The following APOOL variants were observed in gnomAD, a reference collection of about 807,000 sequenced individuals.
APOOL encodes apolipoprotein O like, also known as MICOS complex subunit MIC27.
In APOOL, 12 loss-of-function variants were observed where a neutral mutation model predicts 23.1. The ratio of observed to expected loss-of-function variants is 0.52; its 90% CI spans 0.33 to 0.84. APOOL has a LOEUF of 0.84. Among genes scored for constraint, APOOL ranks in the 40% least tolerant of loss-of-function variants. APOOL has a pLI of 0.02. For missense variants in APOOL, 212 were observed against 199.6 expected, an observed-to-expected ratio of 1.06 and a Z score of -0.37; for synonymous variants, 77 against 69.9, an observed-to-expected ratio of 1.10 and a Z score of -0.51.
chrX:85,016,850 G>T (rs1170977656), intron 1 of APOOL, among the ~76,000 whole-genome samples: 2 of 112,435 alleles, frequency 1.8e-5, no homozygotes, highest in Non-Finnish European at 3.8e-5. Flanking sequence ...ATCCCATGGG[G>T]CAATCACCTG....
At chrX:85,082,965 C>T (rs972234058) in intron 8 of APOOL, among the ~76,000 whole-genome samples, 3 of 111,404 alleles carry the variant, frequency 2.7e-5, no homozygotes, top group Non-Finnish European at 5.6e-5. Context: ...AGAAACTAGT[C>T]AGTCTGTCAG....
chrX:85,059,259 T>C (rs1296822620), intron 5 of APOOL, among the ~76,000 whole-genome samples: 1 of 109,530 alleles, frequency 9.1e-6, no homozygotes, highest in Non-Finnish European at 1.9e-5. Context: ...TGCCACATTT[T>C]CTTAATCCAG....
At chrX:85,077,660 C>A (rs1489546002) in intron 8 of APOOL, among the ~76,000 whole-genome samples, 2 of 111,609 alleles carry the variant, frequency 1.8e-5, no homozygotes, top group Non-Finnish European at 3.8e-5. Flanking sequence ...ATTTCTAGCT[C>A]TAGATCCTTG....
chrX:85,083,214 A>G (rs1423539781), intron 8 of APOOL, among the ~76,000 whole-genome samples: 1 of 111,735 alleles, frequency 8.9e-6, no homozygotes, highest in East Asian at 2.8e-4. Context: ...CTAGTTATGC[A>G]AAAAGGCAGG....
intron 1 of APOOL, among the ~76,000 whole-genome samples, chrX:85,033,028 C>T (rs765363073): frequency 1.8e-5 from 2 of 111,834 alleles, no homozygotes; most frequent in African/African-American, 3.3e-5. Context: ...GTATTGAGCC[C>T]GGAAATAGTC....
At chrX:85,039,180 C>A (rs73232524) in intron 1 of APOOL, among the ~76,000 whole-genome samples, 144 of 108,769 alleles carry the variant, frequency 1.3e-3, no homozygotes, top group Middle Eastern at 9.6e-3. Context: ...AATTCAGGAG[C>A]ATATTGTTTA....
At chrX:85,042,664 A>C in intron 1 of APOOL, among the ~76,000 whole-genome samples, 1 of 112,167 alleles carries the variant, frequency 8.9e-6, no homozygotes, top group Middle Eastern at 4.6e-3. Context: ...TCCCTGATGA[A>C]TATTGATGCA....
rs747881053 is a variant in APOOL at position 85,010,542 on chromosome X, T to A, written c.15+6615T>A. On this transcript the variant is annotated intron_variant, in intron 1 of 8. Coordinates refer to ENST00000373173, the MANE Select transcript of APOOL (RefSeq NM_198450.6). ...AAGTCCCCAAAGTGCATTATCTTAA[T>A]TTTATGCCTTTGCATCCTGATAGCT... Among the ~76,000 whole-genome samples, 11 of 111,497 alleles carry A rather than the reference T, an allele frequency of 9.9e-5. No homozygotes were observed. The South Asian group carries it at 4.2e-3, about 42-fold the overall frequency.
At position 85,058,094 on chromosome X, in the gene APOOL, G is replaced by T. The variant is rs190079689; in HGVS notation, c.394+2169G>T. Among the ~76,000 whole-genome samples, 101 of 110,201 alleles carry T rather than the reference G, an allele frequency of 9.2e-4. 1 individual carries two copies. The East Asian group carries it at 0.024, about 27-fold the overall frequency. On this transcript the variant is annotated intron_variant, in intron 5 of 8. Coordinates refer to ENST00000373173, the MANE Select transcript of APOOL (RefSeq NM_198450.6). Reference sequence around the variant, plus strand: ...TAAAAAATTATATTTTAAGTTCCAGGGTACATGTACAGCATGTTTAGATTT... The same window carrying T: ...TAAAAAATTATATTTTAAGTTCCAGTGTACATGTACAGCATGTTTAGATTT...
intron 5 of APOOL, among the ~76,000 whole-genome samples, chrX:85,063,020 G>A (rs948276093): frequency 2.7e-5 from 3 of 111,631 alleles, no homozygotes; most frequent in African/African-American, 9.8e-5. Flanking sequence ...CCATTTGTTT[G>A]TGTCTTCTCT....
intron 5 of APOOL, among the ~76,000 whole-genome samples, chrX:85,062,375 A>C (rs1030979050): frequency 9.0e-6 from 1 of 111,520 alleles, no homozygotes; most frequent in African/African-American, 3.3e-5. Flanking sequence ...TAGTTTAATT[A>C]GATCTCATTT....
intron 1 of APOOL, among the ~76,000 whole-genome samples, chrX:85,025,710 C>T (rs1006928367): frequency 9.7e-5 from 11 of 112,902 alleles, no homozygotes; most frequent in East Asian, 5.6e-4. Context: ...TTTGACTCTA[C>T]GTTCCATATC....
At chrX:85,079,639 T>C (rs1325556259) in intron 8 of APOOL, among the ~76,000 whole-genome samples, 1 of 111,896 alleles carries the variant, frequency 8.9e-6, no homozygotes, top group Non-Finnish European at 1.9e-5. Flanking sequence ...CTTTTTCTAT[T>C]GATTGGAATA....
At chrX:85,047,900 G>C (rs1404764746) in intron 2 of APOOL, among the ~76,000 whole-genome samples, 8 of 111,545 alleles carry the variant, frequency 7.2e-5, no homozygotes, top group Non-Finnish European at 1.5e-4. Flanking sequence ...ATTCTTAATG[G>C]TGTCATAAGT....
chrX:85,027,974 G>C (rs1456423852), intron 1 of APOOL, among the ~76,000 whole-genome samples: 2 of 111,560 alleles, frequency 1.8e-5, no homozygotes, highest in Admixed American at 1.9e-4. Context: ...ATTTTTTGTG[G>C]ATATAAATTT....
chrX:85,040,112 G>A (rs1030792466), intron 1 of APOOL, among the ~76,000 whole-genome samples: 11 of 111,850 alleles, frequency 9.8e-5, no homozygotes, highest in Admixed American at 6.7e-4. Flanking sequence ...AATTTCCTTA[G>A]CATTTGTTTG....
At chrX:85,034,862 C>G (rs1193866637) in intron 1 of APOOL, among the ~76,000 whole-genome samples, 1 of 111,927 alleles carries the variant, frequency 8.9e-6, no homozygotes, top group Non-Finnish European at 1.9e-5. Context: ...CAGTACAACA[C>G]TGATGGGCAC....
chrX:85,036,081 A>T (rs1341077264), intron 1 of APOOL, among the ~76,000 whole-genome samples: 1 of 112,258 alleles, frequency 8.9e-6, no homozygotes, highest in Non-Finnish European at 1.9e-5. Flanking sequence ...GTGACCATTT[A>T]AAAAATATTG....
intron 1 of APOOL, among the ~76,000 whole-genome samples, chrX:85,033,048 G>A (rs1922098214): frequency 1.8e-5 from 2 of 112,127 alleles, no homozygotes; most frequent in African/African-American, 6.5e-5. Context: ...CTTAGAAAGT[G>A]CTATATTGAA....
Sources: gnomAD v4.1 joint callset for allele counts (sites outside exome capture counted in the v4.1 genomes callset) on GRCh38, gnomAD v4.1.1 for gene constraint, MANE v1.5 for transcripts, NCBI Gene and HGNC (gene_info 2026-07-23, HGNC 2026-07-21) for gene names.